The following MYL12B variants were observed in gnomAD, a reference collection of about 807,000 sequenced individuals.
The protein encoded by MYL12B is myosin regulatory light chain 12B.
In MYL12B, 3 loss-of-function variants were observed where a neutral mutation model predicts 12.9. The observed-to-expected ratio is 0.23, with a 90% CI of 0.11 to 0.60. The LOEUF (loss-of-function observed/expected upper bound fraction) is 0.60. MYL12B is among the 20% of genes least tolerant of loss of function. The probability of loss-of-function intolerance (pLI) is 0.89; values close to 1 mark genes in which losing one functional copy is unlikely to be tolerated. For synonymous variants in MYL12B, 57 were observed against 71.9 expected (o/e 0.79, Z 1.05); for missense variants, 120 against 215.4 (o/e 0.56, Z 2.77).
intron 2 of MYL12B, chr18:3,276,919 CAAA>C (rs10706387): frequency 0.03 from 24,395 of 821,960 alleles, 2 homozygotes; most frequent in Non-Finnish European, 0.032. Context: ...GCCTATAGTC[CAAA>C]AAAAAAAAAA....
rs113705541 is a variant in MYL12B at position 3,274,549 on chromosome 18, G to A, written c.184+1467G>A. ...TTATAGACAAAAAAAGGGAAATGAC[G>A]TACAGGAATTGGAAGTGAGGTATGG... is the stretch of plus-strand genomic sequence containing the variant. On this transcript the variant is annotated intron_variant, in intron 2 of 3. Transcript: ENST00000237500. Among the ~76,000 whole-genome samples the A allele has an allele frequency of 8.1e-3, 1,236 of 152,256 alleles. 16 individuals carry two copies. The highest frequency in any genetic ancestry group is 0.026 in the African/African-American group (1,068 of 41,538).
intron 1 of MYL12B, among the ~76,000 whole-genome samples, chr18:3,265,574 A>G (rs566616249): frequency 6.6e-6 from 1 of 152,188 alleles, no homozygotes; most frequent in Non-Finnish European, 1.5e-5. Context: ...CCTGTCCTCT[A>G]CTAGCATTCT....
intron 1 of MYL12B, chr18:3,262,699 C>T (rs982724468): frequency 1.3e-5 from 2 of 152,320 alleles, no homozygotes; most frequent in African/African-American, 2.4e-5. Context: ...CTGTGCCCAA[C>T]ACTATCCTAG....
intron 1 of MYL12B, 139 bp from the exon 2 acceptor site, chr18:3,272,745 C>A: frequency 1.3e-6 from 1 of 758,786 alleles, no homozygotes; most frequent in Non-Finnish European, 2.0e-6. Flanking sequence ...AGTTTAGGTG[C>A]ATACTTATTC....
At chr18:3,264,979 T>C (rs574432646) in intron 1 of MYL12B, among the ~76,000 whole-genome samples, 2 of 152,262 alleles carry the variant, frequency 1.3e-5, no homozygotes, top group African/African-American at 2.4e-5. Context: ...CAAAATGATA[T>C]AGGAGCTCAG....
At chr18:3,272,808 G>T (rs2081692056) in intron 1 of MYL12B, 76 bp from the exon 2 acceptor site, 4 of 1,277,634 alleles carry the variant, frequency 3.1e-6, no homozygotes, top group South Asian at 4.3e-5. Context: ...ACAGACTTTA[G>T]GTATTATGTA....
intron 1 of MYL12B, among the ~76,000 whole-genome samples, chr18:3,266,360 AG>A (rs1168260176): frequency 5.9e-5 from 9 of 151,860 alleles, no homozygotes; most frequent in Non-Finnish European, 1.0e-4. Flanking sequence ...ATGACAGAGC[AG>A]GGCAAAAGCT....
chr18:3,272,809 G>T (rs1191739570), intron 1 of MYL12B, 75 bp from the exon 2 acceptor site: 4 of 1,291,056 alleles, frequency 3.1e-6, no homozygotes, highest in Admixed American at 2.5e-5. Context: ...CAGACTTTAG[G>T]TATTATGTAT....
chr18:3,270,304 C>A (rs983730992), intron 1 of MYL12B, among the ~76,000 whole-genome samples: 4 of 152,010 alleles, frequency 2.6e-5, no homozygotes, highest in Non-Finnish European at 4.4e-5. Context: ...ACAAATGTAC[C>A]ACTGTTTTTA....
rs1394493712 is a variant in MYL12B at position 3,277,241 on chromosome 18, G to A, written c.185-12G>A. ...TTTTTGTCTTTAAATGTTAAAATGT[G>A]TATTCTTACAGGGAAGAATCCCACT... On this transcript the variant is annotated splice_polypyrimidine_tract_variant and intron_variant, in intron 2 of 3. Transcript: ENST00000237500. 2 of 1,551,230 alleles carry A rather than the reference G, an allele frequency of 1.3e-6. No homozygotes were observed. Among genetic ancestry groups the A allele is most frequent in the Admixed American group, 2.0e-5 (1 of 49,382 alleles).
rs1567993119 is a variant in MYL12B, at chr18:3,277,920, A to G, written c.502A>G (p.Lys168Glu). The G allele has an allele frequency of 6.2e-7, 1 of 1,613,796 alleles. No homozygotes were observed. Among genetic ancestry groups the G allele is most frequent in the Admixed American group, 1.7e-5 (1 of 59,934 alleles). Residue 168 changes from lysine to glutamate, a missense_variant, in exon 4 of 4, where the codon AAA becomes GAA. Physicochemically the swap from Lys to Glu is moderately conservative, Grantham distance 56 (BLOSUM62 1). Coordinates refer to ENST00000237500, the MANE Select transcript of MYL12B (RefSeq NM_033546.4). ...EFTRILKHGA[K>E]DKDD Reference sequence around the variant, plus strand: ...CACACGCATCCTGAAACATGGAGCCAAAGACAAAGATGACTGAAAGAACTT... The same window carrying G: ...CACACGCATCCTGAAACATGGAGCCGAAGACAAAGATGACTGAAAGAACTT...
At chr18:3,274,284 A>G (rs1271108838) in intron 2 of MYL12B, among the ~76,000 whole-genome samples, 1 of 152,240 alleles carries the variant, frequency 6.6e-6, no homozygotes, top group Non-Finnish European at 1.5e-5. Context: ...TACTCTGCTT[A>G]TAATAGATGC....
chr18:3,272,843 A>T, intron 1 of MYL12B, 41 bp from the exon 2 acceptor site: 1 of 1,488,614 alleles, frequency 6.7e-7, no homozygotes, highest in South Asian at 1.4e-5. Flanking sequence ...TGTTTTATAC[A>T]TTGTTTTGTT....
chr18:3,273,973 A>G (rs1209691250), intron 2 of MYL12B, among the ~76,000 whole-genome samples: 4 of 152,060 alleles, frequency 2.6e-5, no homozygotes, highest in African/African-American at 7.2e-5. Context: ...ACTTATTCCT[A>G]TCCAACATAT....
At chr18:3,276,544 G>A in intron 2 of MYL12B, 30 of 985,242 alleles carry the variant, frequency 3.0e-5, no homozygotes, top group Non-Finnish European at 3.0e-5. Context: ...AGTGTTTGAA[G>A]ATATCTAACA....
At chr18:3,276,398 T>C in intron 2 of MYL12B, 1 of 984,008 alleles carries the variant, frequency 1.0e-6, no homozygotes, top group South Asian at 4.7e-5. Context: ...GGGAGATTTC[T>C]TTCAGCTCCT....
At chr18:3,268,216 A>G (rs930114701) in intron 1 of MYL12B, among the ~76,000 whole-genome samples, 2 of 152,190 alleles carry the variant, frequency 1.3e-5, no homozygotes, top group Non-Finnish European at 2.9e-5. Context: ...TCTGAGTACT[A>G]CTTATATCCT....
At chr18:3,265,875 A>G (rs1014294049) in intron 1 of MYL12B, among the ~76,000 whole-genome samples, 2 of 152,146 alleles carry the variant, frequency 1.3e-5, no homozygotes, top group African/African-American at 2.4e-5. Context: ...AGAAGAACCT[A>G]CAGAACTTGG....
intron 1 of MYL12B, among the ~76,000 whole-genome samples, chr18:3,265,452 G>GTCAT (rs1246834657): frequency 6.6e-6 from 1 of 151,942 alleles, no homozygotes; most frequent in African/African-American, 2.4e-5. Context: ...ATGACCTTAG[G>GTCAT]TTTTAGCCCA....
Sources: allele counts gnomAD v4.1 joint callset (sites outside exome capture counted in the v4.1 genomes callset), GRCh38; gene constraint gnomAD v4.1.1; transcripts MANE v1.5; gene names NCBI Gene and HGNC (gene_info 2026-07-23, HGNC 2026-07-21).